Variants in ATP11C observed in about 807,000 individuals in gnomAD.
The protein encoded by ATP11C is phospholipid-transporting ATPase IG.
A neutral mutation model predicts 97.4 loss-of-function variants in ATP11C; 36 were observed. The observed-to-expected ratio is 0.37, with a 90% CI of 0.28 to 0.49. The LOEUF (loss-of-function observed/expected upper bound fraction) is 0.49. Among genes scored for constraint, ATP11C ranks in the 20% least tolerant of loss-of-function variants. ATP11C has a pLI of 0.98. For synonymous variants in ATP11C, 275 were observed against 290.9 expected (o/e 0.95, Z 0.56); for missense variants, 730 against 824.6 (o/e 0.89, Z 1.40).
At chrX:139,875,419 CAAAAA>C (rs35815603) in intron 1 of ATP11C, among the ~76,000 whole-genome samples, 1 of 44,952 alleles carries the variant, frequency 2.2e-5, no homozygotes, top group Non-Finnish European at 5.3e-5. Context: ...CCCATCTCCA[CAAAAA>C]AAAAAAAAAA....
intron 22 of ATP11C, among the ~76,000 whole-genome samples, chrX:139,758,677 G>A (rs1345660585): frequency 8.9e-6 from 1 of 112,203 alleles, no homozygotes; most frequent in African/African-American, 3.2e-5. Context: ...CTACCAGCAC[G>A]AGAATTTTCA....
intron 1 of ATP11C, among the ~76,000 whole-genome samples, chrX:139,849,504 T>G (rs1456154194): frequency 1.8e-5 from 2 of 111,559 alleles, no homozygotes; most frequent in African/African-American, 6.5e-5. Flanking sequence ...GAGCAAGGCC[T>G]GACACATGGT....
At chrX:139,919,225 A>T (rs2085208901) in intron 1 of ATP11C, among the ~76,000 whole-genome samples, 1 of 109,543 alleles carries the variant, frequency 9.1e-6, no homozygotes, top group African/African-American at 3.3e-5. Context: ...CCGGGGCGAC[A>T]GAGCAAGACT....
chrX:139,896,386 A>C (rs1412260392), intron 1 of ATP11C, among the ~76,000 whole-genome samples: 1 of 110,925 alleles, frequency 9.0e-6, no homozygotes, highest in Admixed American at 9.7e-5. Context: ...CAGTCACCAA[A>C]AACAAGGAAA....
At chrX:139,813,591 C>T (rs976160352) in intron 5 of ATP11C, among the ~76,000 whole-genome samples, 1 of 111,394 alleles carries the variant, frequency 9.0e-6, no homozygotes, top group African/African-American at 3.3e-5. Flanking sequence ...TCACTAGAAA[C>T]AAATGAGCTA....
chrX:139,885,639 T>C (rs915541545), intron 1 of ATP11C: 2 of 112,174 alleles, frequency 1.8e-5, no homozygotes, highest in Non-Finnish European at 1.9e-5. Flanking sequence ...ATTATTGCCA[T>C]GTGGAATTTA....
chrX:139,800,703 G>A (rs1466590486), intron 7 of ATP11C, among the ~76,000 whole-genome samples: 1 of 111,821 alleles, frequency 8.9e-6, no homozygotes, highest in Non-Finnish European at 1.9e-5. Context: ...CCTGTGACTT[G>A]TAGTTGATCT....
chrX:139,769,823 G>A (rs1276661931), intron 19 of ATP11C, among the ~76,000 whole-genome samples: 1 of 110,703 alleles, frequency 9.0e-6, no homozygotes, highest in Non-Finnish European at 1.9e-5. Flanking sequence ...CTGCAAATTC[G>A]GATTCGTTAG....
chrX:139,922,223 AAT>A (rs201394639), intron 1 of ATP11C, among the ~76,000 whole-genome samples: 627 of 43,590 alleles, frequency 0.014, 6 homozygotes, highest in Non-Finnish European at 0.017. Context: ...TCCTTCTCTA[AAT>A]ATATATATAT....
At chrX:139,861,987 C>A (rs2084207155) in intron 1 of ATP11C, among the ~76,000 whole-genome samples, 1 of 111,743 alleles carries the variant, frequency 8.9e-6, no homozygotes, top group African/African-American at 3.3e-5. Context: ...TGTCCCATAC[C>A]CTAAGGGAAG....
At chrX:139,788,491 A>T (rs774393240) in intron 13 of ATP11C, 148 bp from the exon 14 acceptor site, 24 of 518,203 alleles carry the variant, frequency 4.6e-5, no homozygotes, top group Non-Finnish European at 7.3e-5. Context: ...TTAACACTCA[A>T]ATCTGCTATA....
At chrX:139,809,390 T>C (rs1283815709) in intron 5 of ATP11C, among the ~76,000 whole-genome samples, 1 of 112,170 alleles carries the variant, frequency 8.9e-6, no homozygotes, top group Non-Finnish European at 1.9e-5. Flanking sequence ...CTTGAAAACA[T>C]TATGCTAAGT....
chrX:139,831,134 C>T (rs2083639841), intron 1 of ATP11C, among the ~76,000 whole-genome samples: 1 of 111,567 alleles, frequency 9.0e-6, no homozygotes, highest in African/African-American at 3.3e-5. Context: ...GCTTTTACTG[C>T]AACTTCTGAA....
chrX:139,737,049 T>G lies in ATP11C; in HGVS notation c.3288+867A>C, dbSNP rs80143843. Among the ~76,000 whole-genome samples the G allele has an allele frequency of 5.7e-3, 633 of 110,623 alleles. 16 individuals are homozygous for G. In the East Asian group the frequency reaches 0.079, roughly 14 times the overall value. ...ATCAAATAAGTCAGGTAGTCATAGC[T>G]TAGAATATTACCTGAAAATACTGCC... is the stretch of plus-strand genomic sequence containing the variant. On this transcript the variant is annotated intron_variant, in intron 28 of 29. Coordinates refer to ENST00000682941, the MANE Select transcript of ATP11C (RefSeq NM_001353812.2).
At chrX:139,893,575 G>A (rs1054292945) in intron 1 of ATP11C, among the ~76,000 whole-genome samples, 1 of 111,387 alleles carries the variant, frequency 9.0e-6, no homozygotes. Context: ...ACCTTATCAT[G>A]AGCATAACAG....
intron 1 of ATP11C, among the ~76,000 whole-genome samples, chrX:139,866,577 A>C (rs777360618): frequency 9.1e-6 from 1 of 109,657 alleles, no homozygotes; most frequent in African/African-American, 3.3e-5. Flanking sequence ...AAGTAGCCGG[A>C]CATGGTGGCA....
At chrX:139,896,590 CACACTTT>C (rs1428059368) in intron 1 of ATP11C, among the ~76,000 whole-genome samples, 1 of 99,788 alleles carries the variant, frequency 1.0e-5, no homozygotes, top group African/African-American at 4.0e-5. Flanking sequence ...CACACACACA[CACACTTT>C]TTTTCCCTTT....
At chrX:139,756,121 A>C (rs1216524744) in intron 23 of ATP11C, among the ~76,000 whole-genome samples, 2 of 112,432 alleles carry the variant, frequency 1.8e-5, no homozygotes, top group Non-Finnish European at 3.8e-5. Context: ...AACTTACATA[A>C]ATTTATAAGC....
chrX:139,918,194 A>G (rs1488597570), intron 1 of ATP11C, among the ~76,000 whole-genome samples: 1 of 111,910 alleles, frequency 8.9e-6, no homozygotes, highest in Non-Finnish European at 1.9e-5. Context: ...ATATTTGCAC[A>G]CTGATGTTCA....
Sources: gnomAD v4.1 joint callset for allele counts (sites outside exome capture counted in the v4.1 genomes callset) on GRCh38, gnomAD v4.1.1 for gene constraint, MANE v1.5 for transcripts, NCBI Gene and HGNC (gene_info 2026-07-23, HGNC 2026-07-21) for gene names.